IL6ST: variants seen among roughly 807,000 people sequenced by gnomAD.
The protein encoded by IL6ST is interleukin 6 cytokine family signal transducer, also known as interleukin-6 receptor subunit beta.
In IL6ST, 24 loss-of-function variants were observed where a neutral mutation model predicts 91.3. The observed-to-expected ratio is 0.26, with a 90% confidence interval of 0.19 to 0.37. The LOEUF is 0.37. Among genes scored for constraint, IL6ST ranks in the 10% least tolerant of loss-of-function variants. IL6ST has a pLI of 1.00. For missense variants in IL6ST, 914 were observed against 1,078.5 expected (o/e 0.85, Z 2.14); for synonymous variants, 351 against 373.6 (o/e 0.94, Z 0.70).
intron 16 of IL6ST, 77 bp downstream of exon 16, chr5:55,942,592 AC>A (rs1750986855): frequency 1.4e-6 from 1 of 721,848 alleles, no homozygotes; most frequent in Non-Finnish European, 2.4e-6. Context: ...TACTCAATAT[AC>A]CTACTAACTG....
At chr5:55,990,462 G>A (rs1754254751) in intron 1 of IL6ST, among the ~76,000 whole-genome samples, 1 of 152,046 alleles carries the variant, frequency 6.6e-6, no homozygotes, top group African/African-American at 2.4e-5. Flanking sequence ...CTCCTTTACT[G>A]AATTCTCTGC....
intron 14 of IL6ST, chr5:55,948,866 A>G (rs1751439939): frequency 6.6e-6 from 1 of 152,148 alleles, no homozygotes; most frequent in African/African-American, 2.4e-5. Flanking sequence ...TACTGTCTAC[A>G]TAGTCCACAG....
Position 55,940,550 on chromosome 5 carries a change from G to C in IL6ST, c.*532C>G. The C allele has an allele frequency of 4.7e-6, 1 of 214,500 alleles. No individual in the cohort carries two copies. Among genetic ancestry groups the C allele is most frequent in the Non-Finnish European group, 9.4e-6 (1 of 106,278 alleles). 13.3% of individuals were successfully genotyped at this position (214,500 alleles called of 1,614,324 possible). A position where few individuals can be genotyped will look rare whatever the true frequency, so the allele number is the denominator to read the frequency against. ...CGTGTACACTGATATACACGAAGCTGCTCCTCATTTTTTTGTCAGATTACA... is the reference window on the plus strand; with the variant it reads ...CGTGTACACTGATATACACGAAGCTCCTCCTCATTTTTTTGTCAGATTACA... On this transcript the variant is annotated 3_prime_UTR_variant, in exon 17 of 17. Transcript: ENST00000381298.
At position 55,941,040 on chromosome 5, in the gene IL6ST, T is replaced by C; in HGVS notation, c.*42A>G. The C allele has an allele frequency of 3.3e-6, 5 of 1,529,964 alleles. No individual in the cohort carries two copies. Among genetic ancestry groups the C allele is most frequent in the Non-Finnish European group, 4.4e-6 (5 of 1,136,088 alleles). 94.8% of individuals were successfully genotyped at this position (1,529,964 alleles called of 1,614,324 possible). ...ACAGATAAAATCATTTTAGCTTTAC[T>C]TTATAGGTACTGCTGAAGTTGTAGC... On this transcript the variant is annotated 3_prime_UTR_variant, in exon 17 of 17. Coordinates refer to ENST00000381298, the MANE Select transcript of IL6ST (RefSeq NM_002184.4).
chr5:55,957,156 C>CAA lies in IL6ST; in HGVS notation c.1056+51_1056+52dup, dbSNP rs35994470. 3,952 of 759,196 alleles carry CAA rather than the reference C, an allele frequency of 5.2e-3. 7 individuals carry two copies. Among genetic ancestry groups the CAA allele is most frequent in the African/African-American group, 0.018 (703 of 39,324 alleles). 47.0% of individuals were successfully genotyped at this position (759,196 alleles called of 1,614,324 possible). Reference sequence around the variant, plus strand: ...CTGGCAATGGAGCGAGACTCGGTTTCAAAAAAAAAAAAAAAGATTTATAAG... The same window carrying CAA: ...CTGGCAATGGAGCGAGACTCGGTTTCAAAAAAAAAAAAAAAAAGATTTATAAG... On this transcript the variant is annotated intron_variant, in intron 9 of 16. Transcript: ENST00000381298.
chr5:55,960,532 T>G lies in IL6ST; in HGVS notation c.843A>C (p.Arg281=), dbSNP rs2111746089. Reference sequence around the variant, plus strand: ...TAAGGTCTTGGACAGTGAATGAAGATCGGGTGGATGCTGTGTCTTCAGGAG... The same window carrying G: ...TAAGGTCTTGGACAGTGAATGAAGAGCGGGTGGATGCTGTGTCTTCAGGAG... ...QIPPEDTAST[R]SSFTVQDLKP... Residue 281 remains arginine, a synonymous_variant, in exon 8 of 17, where the codon CGA becomes CGC. Transcript: ENST00000381298. The G allele has an allele frequency of 6.2e-7, 1 of 1,613,922 alleles. No individual in the cohort carries two copies. Among genetic ancestry groups the G allele is most frequent in the Middle Eastern group, 1.7e-4 (1 of 6,060 alleles).
chr5:55,950,950 C>T (rs1190361520), intron 14 of IL6ST, among the ~76,000 whole-genome samples: 1 of 112,042 alleles, frequency 8.9e-6, no homozygotes, highest in Non-Finnish European at 2.1e-5. Flanking sequence ...TAAGACCCTG[C>T]CTCCAAAAAA....
intron 7 of IL6ST, among the ~76,000 whole-genome samples, chr5:55,961,704 G>A (rs1752326733): frequency 1.3e-5 from 2 of 150,582 alleles, no homozygotes; most frequent in Non-Finnish European, 2.9e-5. Context: ...GTTGCAGTAA[G>A]CCAAGATCAT....
chr5:55,987,144 G>C (rs535276218), intron 1 of IL6ST, among the ~76,000 whole-genome samples: 1 of 152,324 alleles, frequency 6.6e-6, no homozygotes, highest in Admixed American at 6.5e-5. Context: ...CAGCCTGGGT[G>C]ACAGAGTGAG....
At chr5:55,984,296 C>A (rs1753829494) in intron 1 of IL6ST, among the ~76,000 whole-genome samples, 1 of 152,034 alleles carries the variant, frequency 6.6e-6, no homozygotes, top group African/African-American at 2.4e-5. Context: ...AATTAATTTT[C>A]TTTTTGTTTG....
At chr5:55,979,123 G>A (rs764105033) in intron 2 of IL6ST, among the ~76,000 whole-genome samples, 3 of 152,096 alleles carry the variant, frequency 2.0e-5, no homozygotes, top group Non-Finnish European at 4.4e-5. Context: ...TGGGTGCAGT[G>A]GCCCACACCT....
At position 55,963,538 on chromosome 5, in the gene IL6ST, A is replaced by C. The variant is rs754126191; in HGVS notation, c.659-32T>G. 3 of 1,522,510 alleles carry C rather than the reference A, an allele frequency of 2.0e-6. No individual in the cohort carries two copies. The East Asian group carries it at 6.8e-5, about 34-fold the overall frequency. The allele number at this position is 1,522,510 out of a possible 1,614,324, so 94.3% of individuals were successfully genotyped here. A position where few individuals can be genotyped will look rare whatever the true frequency, so the allele number is the denominator to read the frequency against. On this transcript the variant is annotated intron_variant, in intron 6 of 16. Coordinates refer to ENST00000381298, the MANE Select transcript of IL6ST (RefSeq NM_002184.4). ...AATAAAATAAATCCTAAGGTTTATTATGTTTTCCAATTTCATATACAAACT... is the reference window on the plus strand; with the variant it reads ...AATAAAATAAATCCTAAGGTTTATTCTGTTTTCCAATTTCATATACAAACT...
intron 3 of IL6ST, among the ~76,000 whole-genome samples, chr5:55,970,438 C>T (rs1752895877): frequency 6.6e-6 from 1 of 152,142 alleles, no homozygotes; most frequent in African/African-American, 2.4e-5. Context: ...ATAATCTCAG[C>T]ACTTTTGGGA....
rs2111746419 is a variant in IL6ST, at chr5:55,960,547, G to A, written c.828C>T (p.Asp276=). The A allele has an allele frequency of 6.2e-7, 1 of 1,611,908 alleles. No individual in the cohort carries two copies. The change falls in exon 8 of 17, where the codon GAC becomes GAT. Residue 276 remains aspartate (D), a synonymous_variant. Transcript: ENST00000381298. The part of the protein sequence containing the change: ...ASTWSQIPPE[D]TASTRSSFTV... ...TGAATGAAGATCGGGTGGATGCTGT[G>A]TCTTCAGGAGGAATCTGAAACAAAG...
In IL6ST at chr5:55,977,263, C is replaced by CT. The variant is rs201187036; in HGVS notation, c.-15-971dup. ...TGTATAACTCTATTTACAGGAAATT[C>CT]TTTTTTTTTTTAAGAGATGGGGGTC... On this transcript the variant is annotated intron_variant, in intron 2 of 16. Transcript: ENST00000381298. Among the ~76,000 whole-genome samples, 68 of 146,680 alleles carry CT rather than the reference C, an allele frequency of 4.6e-4. No individual in the cohort carries two copies. The East Asian group carries it at 6.0e-3, about 13-fold the overall frequency.
rs1328045445 is a variant in IL6ST, at chr5:55,935,931, A to G, written c.*5151T>C. On this transcript the variant is annotated 3_prime_UTR_variant, in exon 17 of 17. Coordinates refer to ENST00000381298, the MANE Select transcript of IL6ST (RefSeq NM_002184.4). ...TAAGATGAGCCACCACACCTTAAAGAAATCAGGCTTGAGCCTATACAAGCC... is the reference window on the plus strand; with the variant it reads ...TAAGATGAGCCACCACACCTTAAAGGAATCAGGCTTGAGCCTATACAAGCC... 9.1e-6 allele frequency: 2 copies of G among 219,430 alleles called. No individual in the cohort carries two copies. Among genetic ancestry groups the G allele is most frequent in the Admixed American group, 1.2e-4 (2 of 17,292 alleles). 13.6% of individuals were successfully genotyped at this position (219,430 alleles called of 1,614,324 possible).
chr5:55,978,896 G>A (rs1440673985), intron 2 of IL6ST, among the ~76,000 whole-genome samples: 2 of 152,110 alleles, frequency 1.3e-5, no homozygotes, highest in Non-Finnish European at 2.9e-5. Context: ...ATAACCAAAA[G>A]AAACGAGTGC....
rs1179565417 is a variant in IL6ST, at chr5:55,947,516, C to T, written c.1914G>A (p.Leu638=). 2 of 1,528,508 alleles carry T rather than the reference C, an allele frequency of 1.3e-6. No homozygotes were observed. The highest frequency in any genetic ancestry group is 1.8e-6 in the Non-Finnish European group (2 of 1,133,124). 94.7% of individuals were successfully genotyped at this position (1,528,508 alleles called of 1,614,324 possible). A position where few individuals can be genotyped will look rare whatever the true frequency, so the allele number is the denominator to read the frequency against. Residue 638 remains leucine, a synonymous_variant, in exon 15 of 17, where the codon CTG becomes CTA. Coordinates refer to ENST00000381298, the MANE Select transcript of IL6ST (RefSeq NM_002184.4). ...AFLLTTLLGV[L]FCFNKRDLIK... is the part of the protein sequence containing the mutation. ...ACAGGTCTCGCTTATTAAAGCAGAA[C>T]AGCACTCCCAGAAGAGTTGTCAATA...
At position 55,938,226 on chromosome 5, in the gene IL6ST, G is replaced by A. The variant is rs1357790050; in HGVS notation, c.*2856C>T. ...CAAGGAATAAGGCTGAAATTTAAAT[G>A]AACAATTAGGTAGAGAAGAGGTATG... On this transcript the variant is annotated 3_prime_UTR_variant, in exon 17 of 17. Transcript: ENST00000381298. The A allele has an allele frequency of 5.2e-6, 1 of 192,596 alleles. No individual in the cohort carries two copies. Among genetic ancestry groups the A allele is most frequent in the African/African-American group, 2.3e-5 (1 of 43,128 alleles). The allele number at this position is 192,596 out of a possible 1,614,324, so 11.9% of individuals were successfully genotyped here.
Sources: gnomAD v4.1 joint callset for allele counts (sites outside exome capture counted in the v4.1 genomes callset) on GRCh38, gnomAD v4.1.1 for gene constraint, MANE v1.5 for transcripts, NCBI Gene and HGNC (gene_info 2026-07-23, HGNC 2026-07-21) for gene names.